Variants in KIF20B observed in about 807,000 individuals in gnomAD.
KIF20B encodes kinesin family member 20B, also known as kinesin-like protein KIF20B.
KIF20B carries 188 observed loss-of-function variants against 232.5 expected under a neutral mutation model. That is an observed-to-expected ratio of 0.81 (90% CI 0.72 to 0.91). KIF20B has a LOEUF of 0.91. Ranked by LOEUF, KIF20B falls within the 40% of genes least tolerant of loss-of-function variation. The pLI is 0.00. For synonymous variants in KIF20B, 712 were observed against 683.0 expected (o/e 1.04, Z -0.66); for missense variants, 2,154 against 2,055.9 (o/e 1.05, Z -0.92).
chr10:89,706,986 T>G (rs1842736588), intron 2 of KIF20B, among the ~76,000 whole-genome samples: 1 of 152,122 alleles, frequency 6.6e-6, no homozygotes, highest in Non-Finnish European at 1.5e-5. Flanking sequence ...TGTGGATCAG[T>G]TTGGAGAGAA....
intron 25 of KIF20B, among the ~76,000 whole-genome samples, chr10:89,753,159 T>G (rs1007152728): frequency 6.6e-5 from 10 of 152,112 alleles, no homozygotes; most frequent in Non-Finnish European, 1.0e-4. Flanking sequence ...GTGTGTGTGT[T>G]TTTTTCTTGT....
intron 29 of KIF20B, among the ~76,000 whole-genome samples, chr10:89,764,682 C>T (rs1335790947): frequency 1.3e-5 from 2 of 151,578 alleles, no homozygotes; most frequent in East Asian, 3.9e-4. Flanking sequence ...TTTTTGGCTG[C>T]ATAAATGTCT....
Position 89,758,579 on chromosome 10 carries a change from CTACT to C in KIF20B, c.4504-124_4504-121del, listed in dbSNP as rs956521890. On this transcript the variant is annotated intron_variant, in intron 26 of 32. Transcript: ENST00000371728. ...TTTATAGTTAAATATTTTATCTAGA[CTACT>C]TAATTTGTCTTGTAATCTTGTTTGC... is the stretch of plus-strand genomic sequence containing the variant. 14 of 532,240 alleles carry C rather than the reference CTACT, an allele frequency of 2.6e-5. 1 individual carries two copies. In the Middle Eastern group the frequency reaches 1.3e-3, roughly 49 times the overall value. 33.0% of individuals were successfully genotyped at this position (532,240 alleles called of 1,614,324 possible).
At chr10:89,726,613 G>T (rs544148761) in intron 16 of KIF20B, 92 bp downstream of exon 16, 3 of 1,060,986 alleles carry the variant, frequency 2.8e-6, no homozygotes, top group Admixed American at 7.3e-5. Context: ...CTCATTTACC[G>T]TAGTGACCAG....
At position 89,737,895 on chromosome 10, in the gene KIF20B, G is replaced by C; in HGVS notation, c.3054G>C (p.Glu1018Asp). The change falls in exon 20 of 33, where the codon GAG becomes GAC. Residue 1018 changes from glutamate (E) to aspartate (D), a missense_variant. By Grantham distance (45) the Glu-to-Asp change is conservative. Transcript: ENST00000371728. ...NLRDLSNGSE[E>D]DNLPNTQLDL... ...GGGATCTGTCAAATGGTTCTGAGGA[G>C]GATAATTTGCCAAATACACAGTTAG... The C allele has an allele frequency of 6.2e-7, 1 of 1,613,326 alleles. No individual in the cohort carries two copies. The highest frequency in any genetic ancestry group is 8.5e-7 in the Non-Finnish European group (1 of 1,179,508).
intron 16 of KIF20B, 121 bp downstream of exon 16, chr10:89,726,642 T>A: frequency 1.3e-6 from 1 of 755,844 alleles, no homozygotes; most frequent in Non-Finnish European, 1.9e-6. Flanking sequence ...TTCATCTAGG[T>A]AACATATTTT....
At chr10:89,768,673 G>C in intron 30 of KIF20B, 65 bp from the exon 31 acceptor site, 1 of 1,416,488 alleles carries the variant, frequency 7.1e-7, no homozygotes, top group Non-Finnish European at 9.5e-7. Flanking sequence ...TAATTCAGCT[G>C]TGGCCATAAC....
Position 89,737,913 on chromosome 10 carries a change from A to G in KIF20B, c.3072A>G (p.Thr1024=), listed in dbSNP as rs761069292. The G allele has an allele frequency of 2.5e-6, 4 of 1,613,444 alleles. No individual in the cohort carries two copies. Among genetic ancestry groups the G allele is most frequent in the East Asian group, 2.2e-5 (1 of 44,810 alleles). ...CTGAGGAGGATAATTTGCCAAATAC[A>G]CAGTTAGACCTTTTAGGTAATGATT... ...NGSEEDNLPN[T]QLDLLGNDYL... Residue 1024 remains threonine (T), a synonymous_variant, in exon 20 of 33, where the codon ACA becomes ACG. Transcript: ENST00000371728.
chr10:89,710,525 G>T (rs924427335), intron 5 of KIF20B, among the ~76,000 whole-genome samples: 3 of 152,076 alleles, frequency 2.0e-5, no homozygotes, highest in Admixed American at 2.0e-4. Context: ...CACCATGCCT[G>T]GCCTTGCTAT....
At chr10:89,746,654 C>A (rs1223797171) in intron 23 of KIF20B, among the ~76,000 whole-genome samples, 2 of 152,230 alleles carry the variant, frequency 1.3e-5, no homozygotes, top group African/African-American at 4.8e-5. Context: ...TGCCTGTCCT[C>A]ACTCTGTGGG....
chr10:89,732,804 A>C, intron 18 of KIF20B, 99 bp from the exon 19 acceptor site: 5 of 1,093,064 alleles, frequency 4.6e-6, no homozygotes, highest in Non-Finnish European at 6.2e-6. Flanking sequence ...AAATTTGAAA[A>C]TAAAATTTTT....
At chr10:89,750,634 A>G (rs758247087) in intron 23 of KIF20B, among the ~76,000 whole-genome samples, 2 of 149,938 alleles carry the variant, frequency 1.3e-5, no homozygotes, top group Non-Finnish European at 1.5e-5. Context: ...GAGCCCTGCT[A>G]CTAGGTGCCA....
chr10:89,704,556 T>A (rs1294626209), intron 1 of KIF20B, among the ~76,000 whole-genome samples: 1 of 144,186 alleles, frequency 6.9e-6, no homozygotes, highest in East Asian at 1.9e-4. Context: ...ATAACTGAGT[T>A]TTGTTTTGTT....
intron 29 of KIF20B, 124 bp from the exon 30 acceptor site, chr10:89,768,166 T>C: frequency 1.6e-6 from 1 of 638,536 alleles, no homozygotes; most frequent in South Asian, 1.9e-5. Context: ...GAGTTCAAAA[T>C]TGCCCTCGGT....
intron 18 of KIF20B, among the ~76,000 whole-genome samples, chr10:89,730,750 T>C (rs766647774): frequency 1.3e-5 from 2 of 152,088 alleles, no homozygotes; most frequent in South Asian, 4.1e-4. Flanking sequence ...AGTAGTAGAA[T>C]AGGATAAGAT....
intron 7 of KIF20B, among the ~76,000 whole-genome samples, chr10:89,714,468 CTG>C (rs1842897505): frequency 6.6e-6 from 1 of 151,790 alleles, no homozygotes; most frequent in African/African-American, 2.4e-5. Context: ...CAGAGTGAAA[CTG>C]TCTCAAAAAA....
In KIF20B at chr10:89,758,963, G is replaced by A. The variant is rs1181179663; in HGVS notation, c.4680+81G>A. 3.9e-5 allele frequency: 36 copies of A among 916,302 alleles called. 1 individual carries two copies. The highest frequency in any genetic ancestry group is 5.3e-5 in the Non-Finnish European group (35 of 661,780). The allele number at this position is 916,302 out of a possible 1,614,324, so 56.8% of individuals were successfully genotyped here. ...ACTAACTCTTAAAGAATAAAAAAGT[G>A]TAAGTCTCAATAGACCAAAAAGGAA... On this transcript the variant is annotated intron_variant, in intron 27 of 32. Transcript: ENST00000371728.
At chr10:89,758,304 C>G (rs988600054) in intron 26 of KIF20B, among the ~76,000 whole-genome samples, 3 of 151,942 alleles carry the variant, frequency 2.0e-5, no homozygotes, top group African/African-American at 7.2e-5. Context: ...TTTTCTTTAT[C>G]AGTATTTCAT....
intron 23 of KIF20B, among the ~76,000 whole-genome samples, chr10:89,746,450 G>C (rs546037513): frequency 6.6e-5 from 10 of 152,302 alleles, no homozygotes; most frequent in Admixed American, 5.2e-4. Flanking sequence ...ACCAAATTCC[G>C]TGTCATCTCA....
Sources: allele counts gnomAD v4.1 joint callset (sites outside exome capture counted in the v4.1 genomes callset), GRCh38; gene constraint gnomAD v4.1.1; transcripts MANE v1.5; gene names NCBI Gene and HGNC (gene_info 2026-07-23, HGNC 2026-07-21).